The following CLMP variants were observed in gnomAD, a reference collection of about 807,000 sequenced individuals.
CLMP encodes CXADR-like membrane protein.
Under a neutral mutation model 45.2 loss-of-function variants are expected in CLMP, and 27 were observed. That is an observed-to-expected ratio of 0.60 (90% CI 0.44 to 0.82). The LOEUF (loss-of-function observed/expected upper bound fraction) is 0.82, where lower values mean the gene tolerates loss of function less well. Among genes scored for constraint, CLMP ranks in the 40% least tolerant of loss-of-function variants. The pLI is 0.00. For missense variants in CLMP, 403 were observed against 448.4 expected (o/e 0.90, Z 0.91); for synonymous variants, 167 against 171.4 (o/e 0.97, Z 0.20).
At chr11:123,109,760 A>C (rs1029709784) in intron 1 of CLMP, among the ~76,000 whole-genome samples, 3 of 152,220 alleles carry the variant, frequency 2.0e-5, no homozygotes, top group African/African-American at 7.2e-5. Context: ...CACCAGTATG[A>C]TGTGGCCGCA....
intron 1 of CLMP, among the ~76,000 whole-genome samples, chr11:123,147,416 A>G (rs748123361): frequency 2.0e-5 from 3 of 152,188 alleles, no homozygotes; most frequent in African/African-American, 4.8e-5. Flanking sequence ...ACATCCTCCA[A>G]TGAGCCTTTC....
rs189163126 is a variant in CLMP, at chr11:123,082,999, C to A, written c.679+86G>T. ...TAAAGATTTTGACCTTAACCTTACT[C>A]TTACTTATGATTAGAATGTCTTAAC... On this transcript the variant is annotated intron_variant, in intron 5 of 6. Transcript: ENST00000448775. The A allele has an allele frequency of 4.3e-3, 6,509 of 1,517,540 alleles. 21 individuals are homozygous for A. The highest frequency in any genetic ancestry group is 5.5e-3 in the Non-Finnish European group (6,116 of 1,109,780). 94.0% of individuals were successfully genotyped at this position (1,517,540 alleles called of 1,614,324 possible). A position where few individuals can be genotyped will look rare whatever the true frequency, so the allele number is the denominator to read the frequency against.
rs1241735527 is a variant in CLMP at position 123,104,128 on chromosome 11, CTTTTT to C, written c.29-6181_29-6177del. Reference sequence around the variant, plus strand: ...TACAGGCCTGAGCCACCATGCCTGGCTTTTTTTTTTTTTTTTTTTTTTTTTAATCC... The same window carrying C: ...TACAGGCCTGAGCCACCATGCCTGGCTTTTTTTTTTTTTTTTTTTTAATCC... On this transcript the variant is annotated intron_variant, in intron 1 of 6. Transcript: ENST00000448775. Among the ~76,000 whole-genome samples, 20 of 72,392 alleles carry C rather than the reference CTTTTT, an allele frequency of 2.8e-4. No homozygotes were observed. The East Asian group carries it at 6.4e-3, about 23-fold the overall frequency. The allele number at this position is 72,392 out of a possible 152,430, so 47.5% of individuals were successfully genotyped here. A position where few individuals can be genotyped will look rare whatever the true frequency, so the allele number is the denominator to read the frequency against.
intron 1 of CLMP, among the ~76,000 whole-genome samples, chr11:123,171,563 C>T (rs1215887461): frequency 6.6e-6 from 1 of 151,732 alleles, no homozygotes; most frequent in Non-Finnish European, 1.5e-5. Context: ...CTTGCCTCAG[C>T]CTTCCGAGTA....
intron 1 of CLMP, among the ~76,000 whole-genome samples, chr11:123,141,385 C>T (rs188076826): frequency 2.0e-5 from 3 of 151,944 alleles, no homozygotes; most frequent in African/African-American, 2.4e-5. Context: ...GGGGTTTCAC[C>T]GTGTTACCAA....
chr11:123,089,866 A>G (rs1410411336), intron 2 of CLMP, among the ~76,000 whole-genome samples: 2 of 151,492 alleles, frequency 1.3e-5, no homozygotes, highest in Non-Finnish European at 2.9e-5. Flanking sequence ...TTGGGAGACC[A>G]AGGCGGGCAG....
At chr11:123,121,678 G>T (rs1024205441) in intron 1 of CLMP, among the ~76,000 whole-genome samples, 2 of 152,196 alleles carry the variant, frequency 1.3e-5, no homozygotes, top group African/African-American at 4.8e-5. Context: ...GGTGGGTTTA[G>T]TGGGTCAGGA....
At chr11:123,104,600 C>T (rs12287454) in intron 1 of CLMP, among the ~76,000 whole-genome samples, 6 of 150,980 alleles carry the variant, frequency 4.0e-5, no homozygotes, top group African/African-American at 9.8e-5. Flanking sequence ...TGGCCAGGCT[C>T]GTCTCGAATT....
intron 1 of CLMP, among the ~76,000 whole-genome samples, chr11:123,162,450 A>C (rs1861498515): frequency 6.6e-6 from 1 of 152,232 alleles, no homozygotes; most frequent in Admixed American, 6.5e-5. Context: ...ATGCAAATAG[A>C]ACAGAGATCC....
intron 1 of CLMP, among the ~76,000 whole-genome samples, chr11:123,140,652 T>C (rs1861141277): frequency 6.6e-6 from 1 of 152,108 alleles, no homozygotes; most frequent in African/African-American, 2.4e-5. Flanking sequence ...CCAGGGATCC[T>C]CAACCTCAGC....
chr11:123,141,459 C>T (rs1038501550), intron 1 of CLMP, among the ~76,000 whole-genome samples: 1 of 152,118 alleles, frequency 6.6e-6, no homozygotes, highest in Non-Finnish European at 1.5e-5. Flanking sequence ...GCTGGGATTA[C>T]AGGTGTGAGC....
rs202151595 is a variant in CLMP at position 123,073,698 on chromosome 11, C to T, written c.898G>A (p.Gly300Ser). The T allele has an allele frequency of 1.4e-4, 230 of 1,614,148 alleles. No homozygotes were observed. The highest frequency in any genetic ancestry group is 6.8e-4 in the Admixed American group (41 of 60,018). Residue 300 changes from glycine (G) to serine (S), a missense_variant, in exon 7 of 7, where the codon GGT (glycine) becomes AGT (serine). Gly to Ser is a moderately conservative substitution (Grantham distance 56). Coordinates refer to ENST00000448775, the MANE Select transcript of CLMP (RefSeq NM_024769.5). ...SSSGSRSSRS[G>S]SSSTRSTANS... is the part of the protein sequence containing the mutation. ...GCTGTGGAGCGAGTGGAGGAAGAAC[C>T]AGAGCGTGAGCTCCGAGAGCCTGAG...
At chr11:123,090,612 T>C (rs1020610769) in intron 2 of CLMP, among the ~76,000 whole-genome samples, 4 of 152,134 alleles carry the variant, frequency 2.6e-5, no homozygotes, top group Non-Finnish European at 5.9e-5. Context: ...TTTGTGGGAA[T>C]GAGATAGTAA....
chr11:123,165,555 C>T (rs1393932741), intron 1 of CLMP, among the ~76,000 whole-genome samples: 1 of 152,108 alleles, frequency 6.6e-6, no homozygotes, highest in Non-Finnish European at 1.5e-5. Flanking sequence ...CTGGCAGGTG[C>T]ACAAAGGTCC....
chr11:123,112,392 C>T (rs1379276415), intron 1 of CLMP, among the ~76,000 whole-genome samples: 1 of 146,254 alleles, frequency 6.8e-6, no homozygotes, highest in Admixed American at 7.2e-5. Context: ...GGCTGGAGTG[C>T]AGTGGTGTGA....
intron 2 of CLMP, among the ~76,000 whole-genome samples, chr11:123,091,605 G>A (rs560206652): frequency 3.8e-4 from 58 of 152,136 alleles, no homozygotes; most frequent in Non-Finnish European, 7.2e-4. Flanking sequence ...GCCTATGCAC[G>A]TCTCCTACTG....
intron 5 of CLMP, among the ~76,000 whole-genome samples, chr11:123,081,137 A>G (rs1020911268): frequency 6.6e-6 from 1 of 152,018 alleles, no homozygotes. Flanking sequence ...TGGGTGACAG[A>G]GTGAGACTCT....
At chr11:123,145,419 G>A (rs562628889) in intron 1 of CLMP, among the ~76,000 whole-genome samples, 1 of 149,640 alleles carries the variant, frequency 6.7e-6, no homozygotes, top group African/African-American at 2.5e-5. Flanking sequence ...CTTTGTCAGC[G>A]TGTGCTCCAT....
chr11:123,083,970 T>G, intron 3 of CLMP, 123 bp from the exon 4 acceptor site: 1 of 1,110,842 alleles, frequency 9.0e-7, no homozygotes, highest in Non-Finnish European at 1.3e-6. Context: ...AACTTTTGAG[T>G]GGGGATTCAA....
Sources: gnomAD v4.1 joint callset for allele counts (sites outside exome capture counted in the v4.1 genomes callset) on GRCh38, gnomAD v4.1.1 for gene constraint, MANE v1.5 for transcripts, NCBI Gene and HGNC (gene_info 2026-07-23, HGNC 2026-07-21) for gene names.